Variants in SOX5 observed in about 807,000 individuals in gnomAD.
SOX5 encodes transcription factor SOX-5.
In SOX5, 9 loss-of-function variants were observed where a neutral mutation model predicts 92.0. The observed-to-expected ratio is 0.10, with a 90% CI of 0.06 to 0.17. The LOEUF (loss-of-function observed/expected upper bound fraction) is 0.17. Among genes scored for constraint, SOX5 ranks in the 10% least tolerant of loss-of-function variants. The probability of loss-of-function intolerance (pLI) is 1.00; values close to 1 mark genes in which losing one functional copy is unlikely to be tolerated. For missense variants in SOX5, 642 were observed against 944.5 expected (o/e 0.68, Z 4.20); for synonymous variants, 344 against 336.3 (o/e 1.02, Z -0.25).
chr12:24,288,134 G>A (rs569619522), intron 2 of SOX5, among the ~76,000 whole-genome samples: 2 of 152,284 alleles, frequency 1.3e-5, no homozygotes, highest in East Asian at 1.9e-4. Context: ...TTATGTCCCT[G>A]GGGGACATTT....
chr12:23,746,311 A>G (rs1161371706), intron 4 of SOX5, among the ~76,000 whole-genome samples: 1 of 152,082 alleles, frequency 6.6e-6, no homozygotes, highest in Non-Finnish European at 1.5e-5. Flanking sequence ...CCTCCCAGCA[A>G]AAAGGAGCTA....
chr12:24,329,240 C>T (rs1376921847), intron 2 of SOX5, among the ~76,000 whole-genome samples: 4 of 152,050 alleles, frequency 2.6e-5, no homozygotes, highest in Non-Finnish European at 5.9e-5. Flanking sequence ...ACCCGAGACT[C>T]GGTAATTTAT....
At chr12:24,222,931 G>A (rs1960853485) in intron 3 of SOX5, among the ~76,000 whole-genome samples, 1 of 152,164 alleles carries the variant, frequency 6.6e-6, no homozygotes, top group Non-Finnish European at 1.5e-5. Context: ...GACTAAGGCT[G>A]AACCTTGGGA....
chr12:23,579,483 T>C (rs1949743404), intron 9 of SOX5, among the ~76,000 whole-genome samples: 1 of 152,164 alleles, frequency 6.6e-6, no homozygotes, highest in Non-Finnish European at 1.5e-5. Context: ...AATTTACTAC[T>C]GAGCTGCTAT....
intron 4 of SOX5, among the ~76,000 whole-genome samples, chr12:24,146,631 T>C (rs1294192984): frequency 1.4e-5 from 2 of 147,058 alleles, no homozygotes; most frequent in South Asian, 2.1e-4. Flanking sequence ...GTAAATTCAA[T>C]GAAACAAAAA....
intron 7 of SOX5, among the ~76,000 whole-genome samples, chr12:23,642,718 T>C (rs2080234827): frequency 6.6e-6 from 1 of 152,156 alleles, no homozygotes; most frequent in Non-Finnish European, 1.5e-5. Flanking sequence ...GGAAAACAGA[T>C]GGGTTGAGTA....
At chr12:24,482,432 C>A (rs1946089559) in intron 1 of SOX5, among the ~76,000 whole-genome samples, 1 of 152,178 alleles carries the variant, frequency 6.6e-6, no homozygotes, top group Non-Finnish European at 1.5e-5. Context: ...TGACACTCAG[C>A]ATTACCAGAA....
At chr12:24,115,460 C>T (rs988141109) in intron 4 of SOX5, among the ~76,000 whole-genome samples, 13 of 152,222 alleles carry the variant, frequency 8.5e-5, no homozygotes, top group Admixed American at 2.6e-4. Context: ...AGATGTACCC[C>T]GATAAGCTCT....
intron 4 of SOX5, among the ~76,000 whole-genome samples, chr12:24,182,069 C>A (rs1467756600): frequency 1.3e-5 from 2 of 152,082 alleles, no homozygotes; most frequent in Non-Finnish European, 2.9e-5. Flanking sequence ...CAATAGGTTT[C>A]TCAAGTAATC....
chr12:24,393,940 A>G lies in SOX5; in HGVS notation c.-250-25301T>C, dbSNP rs1959206266. ...AAGATAAAGATGGCAAAATATTCTT[A>G]AAATACCCTGCGTGGGGAAAAATAA... is the stretch of plus-strand genomic sequence containing the variant. On this transcript the variant is annotated intron_variant, in intron 1 of 4. Transcript: ENST00000446891. The surrounding 1 kb of genome is among the most constrained non-coding windows in gnomAD (Gnocchi z 5.0). 6.6e-6 allele frequency among the ~76,000 whole-genome samples: 1 copy of G among 152,240 alleles called. No homozygotes were observed.
At chr12:23,949,792 CTT>C (rs1491261111), upstream of SOX5, 3 of 493,778 alleles carry the variant, frequency 6.1e-6, no homozygotes, top group Admixed American at 4.5e-5. Flanking sequence ...CTCTCTCTCT[CTT>C]TCTCCCCCCC....
intron 4 of SOX5, among the ~76,000 whole-genome samples, chr12:24,209,241 C>T (rs1958337663): frequency 6.6e-6 from 1 of 152,124 alleles, no homozygotes; most frequent in South Asian, 2.1e-4. Flanking sequence ...TGGAGAATTT[C>T]CTCCACTGTC....
chr12:24,409,526 T>G (rs1009704793), intron 1 of SOX5, among the ~76,000 whole-genome samples: 2 of 152,220 alleles, frequency 1.3e-5, no homozygotes, highest in Non-Finnish European at 2.9e-5. Context: ...TACAGGTTTT[T>G]GTGTGAAAAT....
intron 4 of SOX5, among the ~76,000 whole-genome samples, chr12:24,136,071 G>T (rs773541348): frequency 1.3e-5 from 2 of 152,188 alleles, no homozygotes; most frequent in Non-Finnish European, 2.9e-5. Context: ...CAAAGAGATG[G>T]GTTAAGGGTT....
At chr12:24,433,315 T>C (rs534252642) in intron 1 of SOX5, among the ~76,000 whole-genome samples, 1 of 152,332 alleles carries the variant, frequency 6.6e-6, no homozygotes, top group South Asian at 2.1e-4. Flanking sequence ...ACTAAAATTG[T>C]TGTCAGTGGG....
intron 2 of SOX5, among the ~76,000 whole-genome samples, chr12:24,308,930 G>A (rs1948889155): frequency 6.6e-6 from 1 of 152,062 alleles, no homozygotes; most frequent in African/African-American, 2.4e-5. Flanking sequence ...GGATTCTTCA[G>A]GTGGCCTAAT....
chr12:23,673,279 C>T (rs1381240303), intron 6 of SOX5, among the ~76,000 whole-genome samples: 1 of 152,082 alleles, frequency 6.6e-6, no homozygotes, highest in East Asian at 1.9e-4. Context: ...TTATTTTACA[C>T]AGCTGGTGCT....
At chr12:23,741,342 T>G (rs189542802) in intron 4 of SOX5, among the ~76,000 whole-genome samples, 1 of 152,066 alleles carries the variant, frequency 6.6e-6, no homozygotes, top group East Asian at 1.9e-4. Context: ...TAATCTATAG[T>G]TTTTTTTAAC....
At chr12:23,676,004 G>A (rs147421178) in intron 6 of SOX5, among the ~76,000 whole-genome samples, 155 of 152,234 alleles carry the variant, frequency 1.0e-3, no homozygotes, top group African/African-American at 3.5e-3. Context: ...GTTGGCAAGC[G>A]TATAGAGAAA....
Sources: allele counts gnomAD v4.1 joint callset (sites outside exome capture counted in the v4.1 genomes callset), GRCh38; gene constraint gnomAD v4.1.1; non-coding constraint Gnocchi (gnomAD v3.1); transcripts MANE v1.5; gene names NCBI Gene and HGNC (gene_info 2026-07-23, HGNC 2026-07-21).